C8orf89: variants seen among roughly 807,000 people sequenced by gnomAD.
C8orf89 encodes chromosome 8 open reading frame 89.
In C8orf89, 14 loss-of-function variants were observed where a neutral mutation model predicts 15.8. The ratio of observed to expected loss-of-function variants is 0.89; its 90% confidence interval spans 0.59 to 1.39. C8orf89 has a LOEUF of 1.39. Ranked by LOEUF, C8orf89 falls within the 40% of genes most tolerant of loss-of-function variation. The pLI is 0.00. For synonymous variants in C8orf89, 55 were observed against 62.2 expected, an observed-to-expected ratio of 0.88 and a Z score of 0.54; for missense variants, 181 against 184.5, an observed-to-expected ratio of 0.98 and a Z score of 0.11.
the C8orf89 span, among the ~76,000 whole-genome samples, chr8:73,267,282 C>A: frequency 6.6e-6 from 1 of 152,096 alleles, no homozygotes; most frequent in Non-Finnish European, 1.5e-5. Context: ...ACAATTATAA[C>A]AATGTACTAT....
At chr8:73,278,495 G>A in the C8orf89 span, among the ~76,000 whole-genome samples, 3 of 152,160 alleles carry the variant, frequency 2.0e-5, no homozygotes, top group Admixed American at 6.5e-5. Flanking sequence ...AAGGGTCCCA[G>A]GGGCAGGCCC....
Position 73,257,124 on chromosome 8 carries a change from A to G in C8orf89, c.130T>C (p.Tyr44His). 6.6e-7 allele frequency: 1 copy of G among 1,524,246 alleles called. No individual in the cohort carries two copies. Among genetic ancestry groups the G allele is most frequent in the Non-Finnish European group, 8.8e-7 (1 of 1,140,168 alleles). 94.4% of individuals were successfully genotyped at this position (1,524,246 alleles called of 1,614,324 possible). ...VLETQKIKKE[Y>H]TTAFGLEELK... ...TCTTCTAGACCAAATGCTGTGGTAT[A>G]TTCTGGTTAAAAATATATAAGAATC... Residue 44 changes from tyrosine to histidine, a missense_variant and splice_region_variant, in exon 2 of 4, where the codon TAT becomes CAT. Transcript: ENST00000624510.
the C8orf89 span, among the ~76,000 whole-genome samples, chr8:73,276,285 T>G: frequency 2.0e-5 from 3 of 151,794 alleles, no homozygotes; most frequent in Non-Finnish European, 4.4e-5. Context: ...CAAGCGATTC[T>G]TCTGCCTCAG....
intron 2 of C8orf89, among the ~76,000 whole-genome samples, chr8:73,251,035 C>A (rs1384726347): frequency 6.6e-6 from 1 of 152,034 alleles, no homozygotes; most frequent in African/African-American, 2.4e-5. Flanking sequence ...ATGCTGGCCT[C>A]AAGCAATCCT....
chr8:73,248,246 T>C (rs756308218), intron 3 of C8orf89, among the ~76,000 whole-genome samples: 5 of 152,182 alleles, frequency 3.3e-5, no homozygotes, highest in Non-Finnish European at 5.9e-5. Flanking sequence ...AATCAGATAG[T>C]TGTAGGTGTG....
the C8orf89 span, among the ~76,000 whole-genome samples, chr8:73,269,130 G>A: frequency 6.6e-6 from 1 of 152,132 alleles, no homozygotes; most frequent in African/African-American, 2.4e-5. Flanking sequence ...AAAAAAGAAG[G>A]AACAGGTACA....
rs1813201263 is a variant in C8orf89, at chr8:73,249,502, C to CAAA, written c.337+765_337+766insTTT. Among the ~76,000 whole-genome samples, 4 of 152,078 alleles carry CAAA rather than the reference C, an allele frequency of 2.6e-5. No homozygotes were observed. In the South Asian group the frequency reaches 8.3e-4, roughly 31 times the overall value. On this transcript the variant is annotated intron_variant, in intron 3 of 3. Transcript: ENST00000624510. ...AGTTTCAGTGTGAATGGTACCAGCTCTTTTTGTACATCTGGTAGAATTCAG... is the reference window on the plus strand; with the variant it reads ...AGTTTCAGTGTGAATGGTACCAGCTCAAATTTTTGTACATCTGGTAGAATTCAG...
the C8orf89 span, among the ~76,000 whole-genome samples, chr8:73,283,049 T>C: frequency 1.3e-5 from 2 of 152,132 alleles, no homozygotes; most frequent in African/African-American, 4.8e-5. Flanking sequence ...ATGTTAAGAG[T>C]TATCTACTTA....
chr8:73,260,457 G>T (rs2130294479), upstream of C8orf89, among the ~76,000 whole-genome samples: 1 of 152,176 alleles, frequency 6.6e-6, no homozygotes, highest in African/African-American at 2.4e-5. Context: ...AATGGGTGCA[G>T]CACACCAGCA....
chr8:73,272,790 T>C, the C8orf89 span, among the ~76,000 whole-genome samples: 1 of 152,196 alleles, frequency 6.6e-6, no homozygotes, highest in Non-Finnish European at 1.5e-5. Context: ...GAACTCATCA[T>C]TTTTTTATGG....
chr8:73,253,701 G>A (rs1233938277), intron 2 of C8orf89, among the ~76,000 whole-genome samples: 1 of 151,008 alleles, frequency 6.6e-6, no homozygotes, highest in Admixed American at 6.6e-5. Context: ...TGAAGCAAAT[G>A]TGAATGGGAG....
intron 2 of C8orf89, among the ~76,000 whole-genome samples, chr8:73,254,877 C>T (rs1813335276): frequency 6.6e-6 from 1 of 152,202 alleles, no homozygotes; most frequent in Non-Finnish European, 1.5e-5. Flanking sequence ...AAAGGATTCC[C>T]TATTTAATAA....
At chr8:73,255,965 G>C (rs1197058296) in intron 2 of C8orf89, among the ~76,000 whole-genome samples, 8 of 148,170 alleles carry the variant, frequency 5.4e-5, no homozygotes, top group Non-Finnish European at 1.0e-4. Context: ...GTTGTGGGGT[G>C]GGGGGAGGCG....
chr8:73,241,775 GAC>G (rs1563528681), intron 3 of C8orf89, among the ~76,000 whole-genome samples, 170 bp from the exon 4 acceptor site: 6 of 151,938 alleles, frequency 3.9e-5, no homozygotes, highest in African/African-American at 1.2e-4. Context: ...CATAAAAACA[GAC>G]ACACAAACCA....
the C8orf89 span, among the ~76,000 whole-genome samples, chr8:73,282,154 C>A: frequency 3.3e-5 from 5 of 151,220 alleles, no homozygotes; most frequent in Admixed American, 2.6e-4. Context: ...TAAATATATT[C>A]ATTAAGCATG....
chr8:73,272,619 G>A, the C8orf89 span, among the ~76,000 whole-genome samples: 1 of 150,538 alleles, frequency 6.6e-6, no homozygotes, highest in Admixed American at 6.6e-5. Flanking sequence ...CCCACCCCAT[G>A]ATAGGCCCCG....
At chr8:73,271,477 G>T in the C8orf89 span, among the ~76,000 whole-genome samples, 2 of 152,102 alleles carry the variant, frequency 1.3e-5, no homozygotes, top group African/African-American at 4.8e-5. Flanking sequence ...GTCCCTCTTT[G>T]CACGTGCCCA....
upstream of C8orf89, among the ~76,000 whole-genome samples, chr8:73,261,846 G>C (rs2130297640): frequency 6.6e-6 from 1 of 152,256 alleles, no homozygotes; most frequent in Middle Eastern, 3.4e-3. Context: ...TGTCCTGCCA[G>C]GTCCTCTGGG....
the C8orf89 span, among the ~76,000 whole-genome samples, chr8:73,275,791 TTA>T: frequency 6.6e-6 from 1 of 152,174 alleles, no homozygotes; most frequent in South Asian, 2.1e-4. Context: ...TTTAACCTGT[TTA>T]TGTCTTTTAG....
Sources: gnomAD v4.1 joint callset for allele counts (sites outside exome capture counted in the v4.1 genomes callset) on GRCh38, gnomAD v4.1.1 for gene constraint, MANE v1.5 for transcripts, NCBI Gene and HGNC (gene_info 2026-07-23, HGNC 2026-07-21) for gene names.